The following COLEC12 variants were observed in gnomAD, a reference collection of about 807,000 sequenced individuals.
COLEC12 encodes the protein collectin-12.
In COLEC12, 33 loss-of-function variants were observed where a neutral mutation model predicts 71.1. The observed-to-expected ratio is 0.46, with a 90% CI of 0.35 to 0.62. The LOEUF (loss-of-function observed/expected upper bound fraction) is 0.62. COLEC12 is among the 20% of genes least tolerant of loss of function. The probability of loss-of-function intolerance (pLI) is 0.00; values close to 1 mark genes in which losing one functional copy is unlikely to be tolerated. For missense variants in COLEC12, 765 were observed against 916.1 expected, an observed-to-expected ratio of 0.84 and a Z score of 2.13; for synonymous variants, 350 against 353.0, an observed-to-expected ratio of 0.99 and a Z score of 0.10.
intron 2 of COLEC12, among the ~76,000 whole-genome samples, chr18:467,134 CCTTCCTTT>C (rs1267023780): frequency 5.3e-5 from 8 of 152,220 alleles, no homozygotes; most frequent in Non-Finnish European, 1.2e-4. Flanking sequence ...TGCCCTCTTT[CCTTCCTTT>C]CTTCCTTCCT....
chr18:372,301 C>A (rs1292546302), intron 2 of COLEC12, among the ~76,000 whole-genome samples: 3 of 152,190 alleles, frequency 2.0e-5, no homozygotes, highest in Non-Finnish European at 4.4e-5. Flanking sequence ...GCACCAGAGT[C>A]CTGAAGTCAC....
At chr18:416,949 C>T (rs1012006629) in intron 2 of COLEC12, among the ~76,000 whole-genome samples, 11 of 151,862 alleles carry the variant, frequency 7.2e-5, no homozygotes, top group African/African-American at 2.7e-4. Context: ...TGGGCAAGGG[C>T]ATGGATGTGT....
At chr18:473,239 G>A (rs1445097780) in intron 2 of COLEC12, among the ~76,000 whole-genome samples, 3 of 152,098 alleles carry the variant, frequency 2.0e-5, no homozygotes, top group Admixed American at 6.5e-5. Flanking sequence ...CAGGGAGAAC[G>A]TGAGAGAGAA....
At chr18:389,110 A>G (rs934915532) in intron 2 of COLEC12, among the ~76,000 whole-genome samples, 17 of 152,316 alleles carry the variant, frequency 1.1e-4, no homozygotes, top group Admixed American at 3.9e-4. Flanking sequence ...ATTCAGCTAA[A>G]GTAATTTTGC....
chr18:344,330 C>G (rs1436943544), intron 5 of COLEC12, among the ~76,000 whole-genome samples: 1 of 152,200 alleles, frequency 6.6e-6, no homozygotes. Context: ...ACCCACTAGT[C>G]TTGTTTCACC....
intron 2 of COLEC12, among the ~76,000 whole-genome samples, chr18:467,859 A>C (rs1213065119): frequency 6.6e-6 from 1 of 152,188 alleles, no homozygotes; most frequent in East Asian, 1.9e-4. Flanking sequence ...TCCATCTGAC[A>C]ATTTTTGCCA....
rs111367707 is a variant in COLEC12 at position 393,218 on chromosome 18, T to C, written c.59-35696A>G. ...CAAGAAACAGTCTTATAAAAATTGC[T>C]AGTGCGGGGATATTGTTGAAGATAT... On this transcript the variant is annotated intron_variant, in intron 2 of 9. Coordinates refer to ENST00000400256, the MANE Select transcript of COLEC12 (RefSeq NM_130386.3). 2.4e-3 allele frequency among the ~76,000 whole-genome samples: 358 copies of C among 152,328 alleles called. 2 individuals carry two copies. Among genetic ancestry groups the C allele is most frequent in the African/African-American group, 8.2e-3 (343 of 41,578 alleles).
chr18:432,239 C>A (rs1344758769), intron 2 of COLEC12, among the ~76,000 whole-genome samples: 1 of 152,164 alleles, frequency 6.6e-6, no homozygotes, highest in Non-Finnish European at 1.5e-5. Context: ...GTTCTGGTAT[C>A]TACATTAAGG....
chr18:468,635 TTCTC>T (rs1299272573), intron 2 of COLEC12, among the ~76,000 whole-genome samples: 4 of 152,204 alleles, frequency 2.6e-5, no homozygotes, highest in Non-Finnish European at 5.9e-5. Context: ...ATCTTTGTCT[TTCTC>T]TCTTAGTAAA....
chr18:447,899 G>A (rs146827004), intron 2 of COLEC12, among the ~76,000 whole-genome samples: 193 of 152,174 alleles, frequency 1.3e-3, no homozygotes, highest in African/African-American at 4.3e-3. Context: ...CTTTGGTAGC[G>A]GTCAATCACT....
intron 2 of COLEC12, among the ~76,000 whole-genome samples, chr18:427,455 G>A (rs1164257963): frequency 6.6e-6 from 1 of 152,190 alleles, no homozygotes; most frequent in Non-Finnish European, 1.5e-5. Context: ...CACGTTGATA[G>A]GTGTGCTCTA....
At chr18:416,223 T>A (rs1287500851) in intron 2 of COLEC12, among the ~76,000 whole-genome samples, 1 of 152,142 alleles carries the variant, frequency 6.6e-6, no homozygotes, top group African/African-American at 2.4e-5. Flanking sequence ...AAAAAATTCA[T>A]TTTGGGGATT....
chr18:430,036 T>C (rs1047835650), intron 2 of COLEC12, among the ~76,000 whole-genome samples: 2 of 152,158 alleles, frequency 1.3e-5, no homozygotes, highest in Non-Finnish European at 2.9e-5. Context: ...ATTTGCTCAA[T>C]AAATATTTGT....
At chr18:447,490 C>T (rs1321281848) in intron 2 of COLEC12, among the ~76,000 whole-genome samples, 3 of 152,174 alleles carry the variant, frequency 2.0e-5, no homozygotes, top group South Asian at 2.1e-4. Context: ...GCCACCCAGT[C>T]GGGCTTTGCA....
chr18:386,861 G>A (rs1221280212), intron 2 of COLEC12, among the ~76,000 whole-genome samples: 2 of 150,436 alleles, frequency 1.3e-5, no homozygotes, highest in Non-Finnish European at 3.0e-5. Context: ...TTTTTTTTCT[G>A]TTCCCACCAG....
chr18:388,621 T>C (rs1915396866), intron 2 of COLEC12, among the ~76,000 whole-genome samples: 1 of 152,154 alleles, frequency 6.6e-6, no homozygotes, highest in African/African-American at 2.4e-5. Flanking sequence ...TGAGACAGGG[T>C]CTTGCTCTGT....
chr18:480,358 T>C lies in COLEC12; in HGVS notation c.58+349A>G, dbSNP rs1220457876. 6.6e-6 allele frequency among the ~76,000 whole-genome samples: 1 copy of C among 152,214 alleles called. No individual in the cohort carries two copies. The highest frequency in any genetic ancestry group is 6.5e-5 in the Admixed American group (1 of 15,282). ...GTAAGGCCTGAGCAAAGACGTTTTC[T>C]GAATAACAAAACTGAAAAATTTCAG... On this transcript the variant is annotated intron_variant, in intron 2 of 9. Coordinates refer to ENST00000400256, the MANE Select transcript of COLEC12 (RefSeq NM_130386.3). This position sits in a 1 kb window ranked among gnomAD's most constrained non-coding sequence, Gnocchi z 4.1.
chr18:337,282 T>C lies in COLEC12; in HGVS notation c.1328-2052A>G, dbSNP rs141732940. On this transcript the variant is annotated intron_variant, in intron 5 of 9. Coordinates refer to ENST00000400256, the MANE Select transcript of COLEC12 (RefSeq NM_130386.3). ...AAGTTCCTTTATCCCTCCTGCTCCT[T>C]GGCCTCCCTCTCCCATTGGTCTGAG... is the stretch of plus-strand genomic sequence containing the variant. Among the ~76,000 whole-genome samples, 126 of 152,274 alleles carry C rather than the reference T, an allele frequency of 8.3e-4. 1 individual carries two copies. Among genetic ancestry groups the C allele is most frequent in the African/African-American group, 2.7e-3 (113 of 41,548 alleles).
intron 8 of COLEC12, among the ~76,000 whole-genome samples, chr18:324,406 A>G (rs1913786567): frequency 6.6e-6 from 1 of 152,330 alleles, no homozygotes; most frequent in Admixed American, 6.5e-5. Context: ...GTAGCAGCAC[A>G]TACATATACT....
Sources: gnomAD v4.1 joint callset for allele counts (sites outside exome capture counted in the v4.1 genomes callset) on GRCh38, gnomAD v4.1.1 for gene constraint, Gnocchi (gnomAD v3.1) non-coding constraint, MANE v1.5 for transcripts, NCBI Gene and HGNC (gene_info 2026-07-23, HGNC 2026-07-21) for gene names.